Variants in TYR observed in about 807,000 individuals in gnomAD.
The protein encoded by TYR is tyrosinase.
A neutral mutation model predicts 51.5 loss-of-function variants in TYR; 58 were observed. The observed-to-expected ratio is 1.13, with a 90% CI of 0.91 to 1.40. The LOEUF is 1.40. TYR is among the 40% of genes most tolerant of loss of function. TYR has a pLI of 0.00. For synonymous variants in TYR, 263 were observed against 235.2 expected (o/e 1.12, Z -1.08); for missense variants, 732 against 647.4 (o/e 1.13, Z -1.42).
intron 3 of TYR, among the ~76,000 whole-genome samples, chr11:89,256,932 G>T (rs545722727): frequency 1.3e-5 from 2 of 151,566 alleles, no homozygotes; most frequent in South Asian, 4.2e-4. Flanking sequence ...TCAGATTTTT[G>T]AGCAGAGAGG....
At chr11:89,259,632 G>T (rs1439435356) in intron 3 of TYR, among the ~76,000 whole-genome samples, 1 of 151,958 alleles carries the variant, frequency 6.6e-6, no homozygotes, top group Non-Finnish European at 1.5e-5. Context: ...AAAATTCCTC[G>T]AATGTTCATG....
Position 89,191,429 on chromosome 11 carries a change from TCTTTTCA to T in TYR, c.1036+17_1036+23del. The T allele has an allele frequency of 6.2e-7, 1 of 1,610,440 alleles. No individual in the cohort carries two copies. The highest frequency in any genetic ancestry group is 8.5e-7 in the Non-Finnish European group (1 of 1,176,974). ...GAAATACACTGGAAGGTAATCTCTT[TCTTTTCA>T]CTTTTAATTTTTTTTCTGAATTCAT... On this transcript the variant is annotated intron_variant, in intron 2 of 4. Coordinates refer to ENST00000263321, the MANE Select transcript of TYR (RefSeq NM_000372.5).
rs764715293 is a variant in TYR, at chr11:89,219,360, G to A, written c.1037-8463G>A. Among the ~76,000 whole-genome samples the A allele has an allele frequency of 6.6e-5, 10 of 150,526 alleles. No homozygotes were observed. In the South Asian group the frequency reaches 8.4e-4, roughly 13 times the overall value. On this transcript the variant is annotated intron_variant, in intron 2 of 4. Transcript: ENST00000263321. Reference sequence around the variant, plus strand: ...TGCCCAGGCTGGAGTGCAGTGGAGCGATCTTGGCTCTCTGCAACCTGTGTC... The same window carrying A: ...TGCCCAGGCTGGAGTGCAGTGGAGCAATCTTGGCTCTCTGCAACCTGTGTC...
At chr11:89,220,253 G>A (rs1004832151) in intron 2 of TYR, among the ~76,000 whole-genome samples, 1 of 152,178 alleles carries the variant, frequency 6.6e-6, no homozygotes, top group Non-Finnish European at 1.5e-5. Flanking sequence ...TATGGTAGAA[G>A]GCAGAGAGCA....
intron 4 of TYR, among the ~76,000 whole-genome samples, chr11:89,287,469 C>G (rs1233822043): frequency 6.6e-6 from 1 of 151,692 alleles, no homozygotes; most frequent in Admixed American, 6.6e-5. Context: ...GCCTTAGATA[C>G]TATGGATACA....
chr11:89,257,229 G>C (rs1416443852), intron 3 of TYR, among the ~76,000 whole-genome samples: 1 of 151,890 alleles, frequency 6.6e-6, no homozygotes, highest in African/African-American at 2.4e-5. Flanking sequence ...GACATCGTTG[G>C]GGCTGGAAAC....
chr11:89,249,546 G>C (rs1238709094), intron 3 of TYR, among the ~76,000 whole-genome samples: 2 of 146,154 alleles, frequency 1.4e-5, no homozygotes, highest in Non-Finnish European at 3.0e-5. Context: ...GGAGAGAAAA[G>C]TACTTGTTGG....
intron 3 of TYR, among the ~76,000 whole-genome samples, chr11:89,262,455 A>T (rs2135308031): frequency 6.6e-6 from 1 of 152,124 alleles, no homozygotes; most frequent in Non-Finnish European, 1.5e-5. Flanking sequence ...AAAAAATCAA[A>T]CTAAACTCAA....
chr11:89,203,520 T>C (rs565537325), intron 2 of TYR, among the ~76,000 whole-genome samples: 33 of 152,260 alleles, frequency 2.2e-4, no homozygotes, highest in African/African-American at 7.7e-4. Flanking sequence ...TCTGGGAAGG[T>C]AAAGTAGGTA....
intron 3 of TYR, among the ~76,000 whole-genome samples, chr11:89,251,439 A>G (rs1304243680): frequency 6.6e-6 from 1 of 151,910 alleles, no homozygotes; most frequent in Non-Finnish European, 1.5e-5. Context: ...ATCCTAAAGT[A>G]AAGCATGCCC....
intron 2 of TYR, among the ~76,000 whole-genome samples, chr11:89,210,097 C>A (rs1463142026): frequency 6.6e-6 from 1 of 152,148 alleles, no homozygotes; most frequent in Non-Finnish European, 1.5e-5. Context: ...AGCAAGGCAA[C>A]AAAACTGGAT....
At chr11:89,188,557 T>G (rs896351837) in intron 1 of TYR, among the ~76,000 whole-genome samples, 1 of 152,058 alleles carries the variant, frequency 6.6e-6, no homozygotes, top group African/African-American at 2.4e-5. Flanking sequence ...GTGTAAATAC[T>G]GACAATGGTA....
chr11:89,294,010 ACTTT>A (rs1361644956), intron 4 of TYR: 17 of 207,454 alleles, frequency 8.2e-5, no homozygotes, highest in South Asian at 3.4e-4. Context: ...TCAGATAAAG[ACTTT>A]CTTTCTTTTT....
chr11:89,257,331 CAAT>C (rs1944405369), intron 3 of TYR, among the ~76,000 whole-genome samples: 2 of 151,916 alleles, frequency 1.3e-5, no homozygotes, highest in African/African-American at 2.4e-5. Context: ...CACACAATAA[CAAT>C]AACAAACTTA....
intron 3 of TYR, among the ~76,000 whole-genome samples, chr11:89,238,269 A>T (rs1351840487): frequency 1.3e-5 from 2 of 152,176 alleles, no homozygotes; most frequent in Non-Finnish European, 2.9e-5. Context: ...AAGAATTTTT[A>T]AAATTTTTAT....
chr11:89,255,333 G>T (rs1458760873), intron 3 of TYR, among the ~76,000 whole-genome samples: 1 of 151,614 alleles, frequency 6.6e-6, no homozygotes, highest in Non-Finnish European at 1.5e-5. Flanking sequence ...AAGCCCATTT[G>T]TTCTAGGGTA....
intron 3 of TYR, 43 bp from the exon 4 acceptor site, chr11:89,284,730 T>C: frequency 6.3e-7 from 1 of 1,590,984 alleles, no homozygotes; most frequent in Non-Finnish European, 8.6e-7. Flanking sequence ...GTTTCTTTTA[T>C]ACACAATATG....
At chr11:89,257,761 C>G (rs1205435583) in intron 3 of TYR, among the ~76,000 whole-genome samples, 4 of 152,030 alleles carry the variant, frequency 2.6e-5, no homozygotes, top group Non-Finnish European at 4.4e-5. Flanking sequence ...AGCATTTCAG[C>G]TGGCCAACGC....
chr11:89,197,388 T>A (rs1475902693), intron 2 of TYR, among the ~76,000 whole-genome samples: 1 of 152,168 alleles, frequency 6.6e-6, no homozygotes, highest in Non-Finnish European at 1.5e-5. Flanking sequence ...CTTTCAAATC[T>A]TCACTTTTAA....
Sources: allele counts gnomAD v4.1 joint callset (sites outside exome capture counted in the v4.1 genomes callset), GRCh38; gene constraint gnomAD v4.1.1; transcripts MANE v1.5; gene names NCBI Gene and HGNC (gene_info 2026-07-23, HGNC 2026-07-21).